Variants in TAF1A observed in about 807,000 individuals in gnomAD.
TAF1A encodes TATA box-binding protein-associated factor RNA polymerase I subunit A.
Under a neutral mutation model 61.6 loss-of-function variants are expected in TAF1A, and 42 were observed. The ratio of observed to expected loss-of-function variants is 0.68; its 90% CI spans 0.53 to 0.88. TAF1A has a LOEUF of 0.88. TAF1A is among the 40% of genes least tolerant of loss of function. TAF1A has a pLI of 0.00. For synonymous variants in TAF1A, 179 were observed against 177.7 expected, an observed-to-expected ratio of 1.01 and a Z score of -0.06; for missense variants, 424 against 518.7, an observed-to-expected ratio of 0.82 and a Z score of 1.77.
chr1:222,579,889 T>C lies in TAF1A; in HGVS notation c.292-17A>G, dbSNP rs1660718519. 3 of 1,586,638 alleles carry C rather than the reference T, an allele frequency of 1.9e-6. No individual in the cohort carries two copies. The highest frequency in any genetic ancestry group is 4.5e-5 in the East Asian group (2 of 44,510). On this transcript the variant is annotated splice_polypyrimidine_tract_variant and intron_variant, in intron 3 of 10. Transcript: ENST00000352967. Reference sequence around the variant, plus strand: ...CCAAATAATCTGTCAAAGCAGAAATTACTGCCAAAATGTAAAATTTTTGCC... The same window carrying C: ...CCAAATAATCTGTCAAAGCAGAAATCACTGCCAAAATGTAAAATTTTTGCC...
chr1:222,561,330 C>A, intron 10 of TAF1A, 34 bp downstream of exon 10: 1 of 1,577,576 alleles, frequency 6.3e-7, no homozygotes. Context: ...TCAGCCAAAG[C>A]TGTGTCTAGA....
At chr1:222,584,394 G>C (rs1660928844) in intron 2 of TAF1A, 97 bp from the exon 3 acceptor site, 1 of 1,189,020 alleles carries the variant, frequency 8.4e-7, no homozygotes, top group African/African-American at 1.5e-5. Context: ...CAAGTAAACA[G>C]TAGGCATTAC....
chr1:222,568,607 G>C (rs903903105), intron 7 of TAF1A, among the ~76,000 whole-genome samples: 1 of 152,172 alleles, frequency 6.6e-6, no homozygotes, highest in Non-Finnish European at 1.5e-5. Context: ...AATACCAAGT[G>C]TTGGCACAGA....
intron 9 of TAF1A, among the ~76,000 whole-genome samples, chr1:222,562,343 T>C (rs1261395810): frequency 6.6e-6 from 1 of 152,194 alleles, no homozygotes; most frequent in Non-Finnish European, 1.5e-5. Flanking sequence ...GTGCCCCCTA[T>C]GGTAGAACAA....
intron 1 of TAF1A, among the ~76,000 whole-genome samples, chr1:222,589,501 T>C (rs903536442): frequency 1.3e-5 from 2 of 152,214 alleles, no homozygotes; most frequent in African/African-American, 4.8e-5. Context: ...TCACGTGTTT[T>C]CAGGAGTAGT....
chr1:222,586,428 C>T (rs909569166), intron 2 of TAF1A, among the ~76,000 whole-genome samples: 3 of 152,160 alleles, frequency 2.0e-5, no homozygotes, highest in African/African-American at 7.2e-5. Context: ...TTGGAAAATA[C>T]TTTTGTCTTC....
rs1660405474 is a variant in TAF1A, at chr1:222,572,629, G to A, written c.605-1964C>T. On this transcript the variant is annotated intron_variant, in intron 5 of 10. Transcript: ENST00000352967. ...CCTGTCTTGGCCTCCCAAAGTGCTA[G>A]GATTACAGGCATGGCCACTGCTCCC... Among the ~76,000 whole-genome samples, 3 of 152,194 alleles carry A rather than the reference G, an allele frequency of 2.0e-5. No individual in the cohort carries two copies. In the South Asian group the frequency reaches 6.2e-4, roughly 32 times the overall value.
At chr1:222,572,912 G>GA (rs1558147669) in intron 5 of TAF1A, among the ~76,000 whole-genome samples, 1 of 152,132 alleles carries the variant, frequency 6.6e-6, no homozygotes, top group Non-Finnish European at 1.5e-5. Context: ...AACAAAAGAA[G>GA]AAACAGTTAA....
At chr1:222,587,485 C>T (rs1371145520) in intron 2 of TAF1A, among the ~76,000 whole-genome samples, 1 of 152,116 alleles carries the variant, frequency 6.6e-6, no homozygotes, top group African/African-American at 2.4e-5. Context: ...GCCAAGGAAT[C>T]TCTGTCAAGG....
rs190019555 is a variant in TAF1A at position 222,576,951 on chromosome 1, A to C, written c.604+494T>G. On this transcript the variant is annotated intron_variant, in intron 5 of 10. Transcript: ENST00000352967. ...CTTGAACATAGTTTCTAGAACACTA[A>C]CATAGTTTCTAACAGCTCAAGGCCA... 1.6e-4 allele frequency among the ~76,000 whole-genome samples: 25 copies of C among 152,288 alleles called. 1 individual carries two copies. In the East Asian group the frequency reaches 4.4e-3, roughly 27 times the overall value.
rs564919230 is a variant in TAF1A at position 222,561,197 on chromosome 1, T to C, written c.1240+167A>G. On this transcript the variant is annotated intron_variant, in intron 10 of 10. Transcript: ENST00000352967. ...CAATATGAAATCACTGCTTCTAATC[T>C]AAGCACATAGTCCCAACTCAGGATT... Among the ~76,000 whole-genome samples the C allele has an allele frequency of 2.6e-5, 4 of 152,296 alleles. No homozygotes were observed. In the East Asian group the frequency reaches 5.8e-4, roughly 22 times the overall value.
At chr1:222,569,401 C>T in intron 7 of TAF1A, 109 bp downstream of exon 7, 2 of 1,599,572 alleles carry the variant, frequency 1.3e-6, no homozygotes, top group African/African-American at 1.3e-5. Flanking sequence ...GTGTACTGTA[C>T]ATTATTGAAA....
intron 1 of TAF1A, among the ~76,000 whole-genome samples, chr1:222,588,806 C>T (rs933090291): frequency 6.6e-6 from 1 of 152,172 alleles, no homozygotes; most frequent in African/African-American, 2.4e-5. Flanking sequence ...AAATAAGATA[C>T]TGCCCCTCTA....
chr1:222,571,519 G>A (rs1660350771), intron 5 of TAF1A, among the ~76,000 whole-genome samples: 1 of 151,966 alleles, frequency 6.6e-6, no homozygotes, highest in Non-Finnish European at 1.5e-5. Flanking sequence ...ACTAATAAAT[G>A]AGTTCACAAA....
chr1:222,569,419 T>C (rs1660253959), intron 7 of TAF1A, 91 bp downstream of exon 7: 2 of 1,608,720 alleles, frequency 1.2e-6, no homozygotes, highest in African/African-American at 2.7e-5. Context: ...AAATTTTCTG[T>C]AGATGCTATA....
At chr1:222,556,871 G>A (rs1289434388), downstream of TAF1A, among the ~76,000 whole-genome samples, 5 of 152,052 alleles carry the variant, frequency 3.3e-5, no homozygotes, top group African/African-American at 7.3e-5. Context: ...TTTCCACATC[G>A]TCTGGGAATT....
At chr1:222,562,562 C>G (rs1350687302) in intron 9 of TAF1A, among the ~76,000 whole-genome samples, 2 of 152,136 alleles carry the variant, frequency 1.3e-5, no homozygotes, top group Non-Finnish European at 2.9e-5. Flanking sequence ...TGCCTAACAA[C>G]TAAATTGGAT....
At chr1:222,554,308 C>T (rs1659704087), downstream of TAF1A, among the ~76,000 whole-genome samples, 1 of 152,206 alleles carries the variant, frequency 6.6e-6, no homozygotes, top group Non-Finnish European at 1.5e-5. Context: ...CCTCTACTCA[C>T]TGAGCTAAAG....
chr1:222,588,427 T>C lies in TAF1A; in HGVS notation c.121+16A>G, dbSNP rs200425586. On this transcript the variant is annotated intron_variant, in intron 2 of 10. Coordinates refer to ENST00000352967, the MANE Select transcript of TAF1A (RefSeq NM_005681.4). ...TCCTTAAAGTTAAAATGGCTCAATGTTATTATTTTACTTACCCACAGTTTC... is the reference window on the plus strand; with the variant it reads ...TCCTTAAAGTTAAAATGGCTCAATGCTATTATTTTACTTACCCACAGTTTC... 3.2e-5 allele frequency: 51 copies of C among 1,610,530 alleles called. No homozygotes were observed. The highest frequency in any genetic ancestry group is 1.8e-4 in the South Asian group (16 of 90,234).
Sources: allele counts gnomAD v4.1 joint callset (sites outside exome capture counted in the v4.1 genomes callset), GRCh38; gene constraint gnomAD v4.1.1; transcripts MANE v1.5; gene names NCBI Gene and HGNC (gene_info 2026-07-23, HGNC 2026-07-21).